WWOX: variants seen among roughly 807,000 people sequenced by gnomAD.
The protein encoded by WWOX is WW domain containing oxidoreductase.
A neutral mutation model predicts 46.2 loss-of-function variants in WWOX; 69 were observed. The observed-to-expected ratio is 1.49, with a 90% CI of 1.23 to 1.82. WWOX has a LOEUF of 1.82. Ranked by LOEUF, WWOX falls within the 40% of genes most tolerant of loss-of-function variation. The probability of loss-of-function intolerance (pLI) is 0.00; values close to 1 mark genes in which losing one functional copy is unlikely to be tolerated. For missense variants in WWOX, 919 were observed against 542.6 expected, an observed-to-expected ratio of 1.69 and a Z score of -6.89; for synonymous variants, 359 against 202.6, an observed-to-expected ratio of 1.77 and a Z score of -6.56.
chr16:78,519,624 T>C (rs900889863), intron 8 of WWOX, among the ~76,000 whole-genome samples: 3 of 152,084 alleles, frequency 2.0e-5, no homozygotes, highest in African/African-American at 7.2e-5. Flanking sequence ...GTGACGGTAC[T>C]ACAAAGCAGG....
intron 8 of WWOX, among the ~76,000 whole-genome samples, chr16:78,950,350 T>A (rs2046033776): frequency 6.6e-6 from 1 of 152,164 alleles, no homozygotes; most frequent in Non-Finnish European, 1.5e-5. Context: ...TTGAGTACTT[T>A]TCAGTGTTTG....
At chr16:79,049,697 G>A (rs1479885457) in intron 8 of WWOX, among the ~76,000 whole-genome samples, 1 of 152,032 alleles carries the variant, frequency 6.6e-6, no homozygotes, top group Non-Finnish European at 1.5e-5. Flanking sequence ...TTAGCCTGGC[G>A]TGGTGGCCGG....
At chr16:78,303,002 C>T (rs1340774567) in intron 5 of WWOX, among the ~76,000 whole-genome samples, 1 of 152,158 alleles carries the variant, frequency 6.6e-6, no homozygotes, top group Admixed American at 6.5e-5. Context: ...CCTGGGAGAA[C>T]TCTCCATATG....
At chr16:78,791,044 GA>G (rs2050585152) in intron 8 of WWOX, among the ~76,000 whole-genome samples, 2 of 132,750 alleles carry the variant, frequency 1.5e-5, no homozygotes, top group South Asian at 2.6e-4. Flanking sequence ...AAAAAAAAGT[GA>G]AAAAAAGGAA....
At chr16:78,763,666 C>T (rs893977962) in intron 8 of WWOX, among the ~76,000 whole-genome samples, 1 of 152,176 alleles carries the variant, frequency 6.6e-6, no homozygotes, top group Admixed American at 6.5e-5. Context: ...GTGCCCTGAA[C>T]ATATTAGGTA....
At chr16:78,781,800 T>C (rs1046383763) in intron 8 of WWOX, among the ~76,000 whole-genome samples, 18 of 152,154 alleles carry the variant, frequency 1.2e-4, no homozygotes, top group African/African-American at 4.1e-4. Flanking sequence ...GTCAAAGACA[T>C]GAATATTTTC....
At chr16:78,889,561 G>T (rs1430367354) in intron 8 of WWOX, among the ~76,000 whole-genome samples, 1 of 152,182 alleles carries the variant, frequency 6.6e-6, no homozygotes, top group African/African-American at 2.4e-5. Flanking sequence ...GTGTCCACTG[G>T]TCTCCACTAG....
intron 8 of WWOX, among the ~76,000 whole-genome samples, chr16:78,546,727 G>T (rs2044041956): frequency 6.6e-6 from 1 of 152,150 alleles, no homozygotes; most frequent in African/African-American, 2.4e-5. Context: ...GGTACTGATT[G>T]TCCATGAACC....
chr16:78,199,619 G>A (rs564463656), intron 5 of WWOX, among the ~76,000 whole-genome samples: 22 of 152,230 alleles, frequency 1.4e-4, no homozygotes, highest in Admixed American at 1.2e-3. Flanking sequence ...AGCTTAAAGG[G>A]TACAGGTTCT....
At chr16:78,327,419 C>T (rs72792363) in intron 5 of WWOX, among the ~76,000 whole-genome samples, 1 of 152,028 alleles carries the variant, frequency 6.6e-6, no homozygotes, top group South Asian at 2.1e-4. Flanking sequence ...ACTCTCCAAG[C>T]CCCAGTACCC....
At chr16:78,236,901 C>G (rs11639653) in intron 5 of WWOX, among the ~76,000 whole-genome samples, 47,322 of 151,406 alleles carry the variant, frequency 0.31, 7,668 homozygotes, top group African/African-American at 0.37. Context: ...ATGGTGAAAC[C>G]CTATCTCTAC....
chr16:78,634,045 C>G (rs1350697683), intron 8 of WWOX, among the ~76,000 whole-genome samples: 1 of 152,012 alleles, frequency 6.6e-6, no homozygotes, highest in Non-Finnish European at 1.5e-5. Flanking sequence ...GGGGTTGGAC[C>G]CTGTTTTTCA....
chr16:78,177,812 T>C (rs575782207), intron 5 of WWOX, among the ~76,000 whole-genome samples: 1 of 152,318 alleles, frequency 6.6e-6, no homozygotes, highest in South Asian at 2.1e-4. Context: ...GGAGACTCTG[T>C]TGGCCTGTTG....
At chr16:78,505,566 A>G (rs554713971) in intron 8 of WWOX, among the ~76,000 whole-genome samples, 1 of 152,290 alleles carries the variant, frequency 6.6e-6, no homozygotes, top group East Asian at 1.9e-4. Flanking sequence ...GTGCTGGGCT[A>G]CAGCGCCCAG....
intron 8 of WWOX, among the ~76,000 whole-genome samples, chr16:78,882,966 C>T (rs757724568): frequency 6.6e-6 from 1 of 152,138 alleles, no homozygotes; most frequent in Non-Finnish European, 1.5e-5. Context: ...AGGGAGAAGC[C>T]ACAGAACTGT....
intron 8 of WWOX, among the ~76,000 whole-genome samples, chr16:79,112,397 C>T (rs923375286): frequency 1.3e-5 from 2 of 152,172 alleles, no homozygotes; most frequent in Admixed American, 1.3e-4. Flanking sequence ...ATTTCCTTTG[C>T]TCATACCCTG....
At chr16:78,972,650 G>T (rs535585256) in intron 8 of WWOX, among the ~76,000 whole-genome samples, 2 of 152,190 alleles carry the variant, frequency 1.3e-5, no homozygotes, top group East Asian at 3.9e-4. Context: ...CTCTGTTTCT[G>T]TTTCAACTGC....
At chr16:79,055,820 G>C (rs1046187995) in intron 8 of WWOX, among the ~76,000 whole-genome samples, 1 of 152,166 alleles carries the variant, frequency 6.6e-6, no homozygotes, top group Non-Finnish European at 1.5e-5. Context: ...AACTCAAAGT[G>C]AGTCAGACTT....
intron 8 of WWOX, among the ~76,000 whole-genome samples, chr16:78,465,374 C>T (rs893649879): frequency 2.6e-5 from 4 of 152,152 alleles, no homozygotes; most frequent in African/African-American, 9.7e-5. Flanking sequence ...GAGATGGGGT[C>T]TTGTTGTGTT....
Sources: allele counts gnomAD v4.1 joint callset (sites outside exome capture counted in the v4.1 genomes callset), GRCh38; gene constraint gnomAD v4.1.1; transcripts MANE v1.5; gene names NCBI Gene and HGNC (gene_info 2026-07-23, HGNC 2026-07-21).